Variants in ST13 observed in about 807,000 individuals in gnomAD.
ST13 encodes the protein hsc70-interacting protein.
ST13 carries 23 observed loss-of-function variants against 56.7 expected under a neutral mutation model. The observed-to-expected ratio is 0.41, with a 90% confidence interval of 0.29 to 0.57. The LOEUF (loss-of-function observed/expected upper bound fraction) is 0.57, where lower values mean the gene tolerates loss of function less well. Ranked by LOEUF, ST13 falls within the 20% of genes least tolerant of loss-of-function variation. The pLI is 0.36. For missense variants in ST13, 369 were observed against 459.9 expected, an observed-to-expected ratio of 0.80 and a Z score of 1.81; for synonymous variants, 132 against 142.4, an observed-to-expected ratio of 0.93 and a Z score of 0.52.
intron 5 of ST13, among the ~76,000 whole-genome samples, chr22:40,840,144 C>T (rs2057796203): frequency 6.6e-6 from 1 of 151,926 alleles, no homozygotes; most frequent in Non-Finnish European, 1.5e-5. Context: ...AGTGAGAATC[C>T]GTCTCAAAAA....
intron 1 of ST13, among the ~76,000 whole-genome samples, chr22:40,855,986 T>C (rs961587843): frequency 6.6e-6 from 1 of 152,188 alleles, no homozygotes; most frequent in African/African-American, 2.4e-5. Flanking sequence ...TTACTAGTTT[T>C]GTAACTTTTA....
At chr22:40,844,630 A>T (rs890199184) in intron 4 of ST13, among the ~76,000 whole-genome samples, 3 of 152,250 alleles carry the variant, frequency 2.0e-5, no homozygotes, top group Non-Finnish European at 4.4e-5. Context: ...CACCAGATGC[A>T]AACTTAAAAA....
intron 5 of ST13, 133 bp downstream of exon 5, chr22:40,840,493 T>G (rs2057798163): frequency 2.9e-6 from 2 of 690,704 alleles, no homozygotes; most frequent in African/African-American, 1.9e-5. Context: ...GAGGAAGGGG[T>G]GACTGGATAA....
At chr22:40,827,661 T>C (rs377514157) in intron 10 of ST13, among the ~76,000 whole-genome samples, 3 of 151,534 alleles carry the variant, frequency 2.0e-5, no homozygotes, top group East Asian at 1.9e-4. Context: ...TTTATAAATA[T>C]ATTTTTTATT....
chr22:40,837,560 C>T (rs531991612), intron 5 of ST13, among the ~76,000 whole-genome samples: 85 of 152,260 alleles, frequency 5.6e-4, no homozygotes, highest in African/African-American at 2.0e-3. Context: ...GCAGGAGAAT[C>T]GCTTGAACCC....
At chr22:40,829,599 A>G in intron 10 of ST13, 27 bp downstream of exon 10, 1 of 1,306,390 alleles carries the variant, frequency 7.7e-7, no homozygotes, top group Non-Finnish European at 1.0e-6. Flanking sequence ...ATAGAACAAA[A>G]CAGTTTTAAC....
At chr22:40,835,465 A>G in intron 7 of ST13, 95 bp downstream of exon 7, 1 of 1,065,932 alleles carries the variant, frequency 9.4e-7, no homozygotes, top group Non-Finnish European at 1.4e-6. Context: ...AAATTAAGTC[A>G]TTAGGAACTT....
chr22:40,835,342 T>C (rs763763329), intron 7 of ST13: 2 of 391,974 alleles, frequency 5.1e-6, no homozygotes, highest in Non-Finnish European at 9.4e-6. Context: ...TTTTTATTTC[T>C]TCCTTCCTAT....
chr22:40,853,553 A>G (rs934470711), intron 1 of ST13, among the ~76,000 whole-genome samples: 1 of 152,184 alleles, frequency 6.6e-6, no homozygotes, highest in African/African-American at 2.4e-5. Flanking sequence ...ATGTTACACA[A>G]TCAAGTAGGA....
intron 7 of ST13, among the ~76,000 whole-genome samples, chr22:40,834,047 A>T (rs1028018567): frequency 1.3e-5 from 2 of 152,082 alleles, no homozygotes; most frequent in Non-Finnish European, 2.9e-5. Flanking sequence ...GAGGGGAAGG[A>T]GGGCAGATCA....
At chr22:40,849,009 T>C (rs2057847198) in intron 2 of ST13, among the ~76,000 whole-genome samples, 1 of 152,240 alleles carries the variant, frequency 6.6e-6, no homozygotes, top group Non-Finnish European at 1.5e-5. Flanking sequence ...TGTGGTTTCT[T>C]GTATATCCCA....
intron 11 of ST13, 65 bp downstream of exon 11, chr22:40,827,031 C>A: frequency 1.3e-6 from 2 of 1,547,928 alleles, no homozygotes; most frequent in South Asian, 2.4e-5. Context: ...CCTTTGTCTC[C>A]ACACAGAATT....
intron 1 of ST13, 93 bp from the exon 2 acceptor site, chr22:40,850,973 T>C: frequency 1.2e-6 from 1 of 818,210 alleles, no homozygotes; most frequent in Non-Finnish European, 1.9e-6. Context: ...GTTAGACATT[T>C]AGATGACTAC....
chr22:40,846,195 C>G (rs1055028534), intron 3 of ST13, among the ~76,000 whole-genome samples: 4 of 152,180 alleles, frequency 2.6e-5, no homozygotes, highest in African/African-American at 9.7e-5. Flanking sequence ...CTCAGCCTCC[C>G]AAAGTGCTGG....
chr22:40,856,207 G>C (rs2057893652), intron 1 of ST13, among the ~76,000 whole-genome samples: 1 of 152,108 alleles, frequency 6.6e-6, no homozygotes, highest in South Asian at 2.1e-4. Flanking sequence ...ACACCCCTGG[G>C]CAACCTCAGG....
intron 8 of ST13, chr22:40,831,994 G>A (rs1422582633): frequency 9.5e-6 from 3 of 315,974 alleles, no homozygotes; most frequent in East Asian, 1.6e-4. Flanking sequence ...CTGGGACTAC[G>A]TAGGCGCATG....
intron 10 of ST13, among the ~76,000 whole-genome samples, chr22:40,827,662 ATTT>A (rs1685270280): frequency 6.6e-6 from 1 of 151,378 alleles, no homozygotes; most frequent in Non-Finnish European, 1.5e-5. Context: ...TTATAAATAT[ATTT>A]TTTATTTTTA....
In ST13 at chr22:40,826,000, A is replaced by G. The variant is rs1464438602; in HGVS notation, c.*538T>C. On this transcript the variant is annotated 3_prime_UTR_variant, in exon 12 of 12. Transcript: ENST00000216218. ...TACTTCCAATCCCTACCCAGGTCCT[A>G]CTGAAATACGGGTGGTCCCAATTAG... 6.5e-6 allele frequency: 1 copy of G among 152,766 alleles called. No homozygotes were observed. Among genetic ancestry groups the G allele is most frequent in the Non-Finnish European group, 1.5e-5 (1 of 68,140 alleles). 9.5% of individuals were successfully genotyped at this position (152,766 alleles called of 1,614,324 possible).
chr22:40,835,900 A>G lies in ST13; in HGVS notation c.383-13T>C, dbSNP rs1448325542. 1 of 1,594,334 alleles carries G rather than the reference A, an allele frequency of 6.3e-7. No homozygotes were observed. Among genetic ancestry groups the G allele is most frequent in the African/African-American group, 1.3e-5 (1 of 74,566 alleles). ...TTCTGGAGTTCACCTAAAGTGAAAC[A>G]AAAGTTATCGAGAAATATTCAGAGG... is the stretch of plus-strand genomic sequence containing the variant. On this transcript the variant is annotated splice_polypyrimidine_tract_variant and intron_variant, in intron 5 of 11. Transcript: ENST00000216218.
Sources: gnomAD v4.1 joint callset for allele counts (sites outside exome capture counted in the v4.1 genomes callset) on GRCh38, gnomAD v4.1.1 for gene constraint, MANE v1.5 for transcripts, NCBI Gene and HGNC (gene_info 2026-07-23, HGNC 2026-07-21) for gene names.